Variants in ITIH5 observed in about 807,000 individuals in gnomAD.
ITIH5 encodes the protein inter-alpha-trypsin inhibitor heavy chain 5, also known as inter-alpha-trypsin inhibitor heavy chain H5.
A neutral mutation model predicts 77.5 loss-of-function variants in ITIH5; 65 were observed. The ratio of observed to expected loss-of-function variants is 0.84; its 90% CI spans 0.69 to 1.03. ITIH5 has a LOEUF of 1.03. ITIH5 is among the 50% of genes least tolerant of loss of function. The pLI is 0.00. For missense variants in ITIH5, 1,208 were observed against 1,213.1 expected (o/e 1.00, Z 0.06); for synonymous variants, 525 against 494.3 (o/e 1.06, Z -0.82).
rs147579573 is a variant in ITIH5, at chr10:7,563,170, C to T, written c.2742G>A (p.Leu914=). 21 of 1,614,080 alleles carry T rather than the reference C, an allele frequency of 1.3e-5. No homozygotes were observed. The highest frequency in any genetic ancestry group is 1.7e-5 in the Non-Finnish European group (20 of 1,180,026). Residue 914 remains leucine, a synonymous_variant, in exon 14 of 14, where the codon CTG becomes CTA. Coordinates refer to ENST00000397146, the MANE Select transcript of ITIH5 (RefSeq NM_030569.7). ...GGTAATCCTTGTACTCCCCGTCAAT[C>T]AGTTTGGCGGCATTGTTCCTGGCAA... is the stretch of plus-strand genomic sequence containing the variant. The part of the protein sequence containing the change: ...CWFARNNAAK[L]IDGEYKDYLA...
rs1263238443 is a variant in ITIH5 at position 7,666,786 on chromosome 10, C to T, written c.90+17G>A. The T allele has an allele frequency of 2.5e-6, 4 of 1,595,938 alleles. No homozygotes were observed. Among genetic ancestry groups the T allele is most frequent in the African/African-American group, 2.7e-5 (2 of 73,722 alleles). ...GGCGGCCGCGCCCGGGACCCGGCTCCCCTCGGCTCCACTTACCTGCTCCGA... is the reference window on the plus strand; with the variant it reads ...GGCGGCCGCGCCCGGGACCCGGCTCTCCTCGGCTCCACTTACCTGCTCCGA... On this transcript the variant is annotated intron_variant, in intron 1 of 13. Coordinates refer to ENST00000397146, the MANE Select transcript of ITIH5 (RefSeq NM_030569.7).
intron 7 of ITIH5, among the ~76,000 whole-genome samples, chr10:7,601,947 C>T (rs745494990): frequency 2.0e-5 from 3 of 152,046 alleles, no homozygotes; most frequent in East Asian, 1.9e-4. Flanking sequence ...CTACCTCCCA[C>T]GTTCAAGCGA....
Position 7,566,456 on chromosome 10 carries a change from T to C in ITIH5, c.2150-49A>G, listed in dbSNP as rs760757661. The stretch of plus-strand genomic sequence containing the variant: ...GAAGGTTAGAAAATCTGACCAGGAG[T>C]GGTGGCTCACACCTGTAATCCCAGC... On this transcript the variant is annotated intron_variant, in intron 12 of 13. Transcript: ENST00000397146. The C allele has an allele frequency of 2.6e-5, 40 of 1,539,322 alleles. 1 individual carries two copies. In the East Asian group the frequency reaches 8.6e-4, roughly 33 times the overall value.
At chr10:7,571,842 C>T in intron 11 of ITIH5, 1 of 397,676 alleles carries the variant, frequency 2.5e-6, no homozygotes, top group Non-Finnish European at 3.4e-6. Context: ...CGTACACATT[C>T]AATACAGATG....
At chr10:7,640,955 G>A in intron 3 of ITIH5, 100 bp from the exon 4 acceptor site, 1 of 833,126 alleles carries the variant, frequency 1.2e-6, no homozygotes. Context: ...ATTTTTATTT[G>A]CCTTTTGGAT....
In ITIH5 at chr10:7,590,140, G is replaced by A. The variant is rs559433938; in HGVS notation, c.940-4071C>T. The stretch of plus-strand genomic sequence containing the variant: ...CCCACAGGTAGCTCAGACTCGACTC[G>A]GTGGAGAATGGAACCTTCATCTTTT... On this transcript the variant is annotated intron_variant, in intron 7 of 13. Transcript: ENST00000397146. Among the ~76,000 whole-genome samples the A allele has an allele frequency of 4.0e-3, 613 of 152,114 alleles. 3 individuals carry two copies. Among genetic ancestry groups the A allele is most frequent in the Non-Finnish European group, 6.4e-3 (433 of 67,988 alleles).
intron 4 of ITIH5, among the ~76,000 whole-genome samples, chr10:7,638,175 A>G (rs1833831103): frequency 6.6e-6 from 1 of 152,220 alleles, no homozygotes; most frequent in African/African-American, 2.4e-5. Context: ...AGAGAACCCA[A>G]CTGTGTGGCA....
At chr10:7,640,148 CAAAAAAAA>C (rs56939703) in intron 4 of ITIH5, among the ~76,000 whole-genome samples, 3 of 80,266 alleles carry the variant, frequency 3.7e-5, no homozygotes, top group East Asian at 6.9e-4. Context: ...GGGGTAACTA[CAAAAAAAA>C]AAAAAAAAAA....
chr10:7,629,215 C>CTGTTGTAGCATGTGCCCA (rs1833659881), intron 5 of ITIH5, among the ~76,000 whole-genome samples: 5 of 74,114 alleles, frequency 6.7e-5, no homozygotes, highest in Non-Finnish European at 8.8e-5. Context: ...GCGTGTGTCC[C>CTGTTGTAGCATGTGCCCA]TGTTGTAGCG....
At chr10:7,611,940 G>A (rs938760144) in intron 7 of ITIH5, among the ~76,000 whole-genome samples, 1 of 125,212 alleles carries the variant, frequency 8.0e-6, no homozygotes, top group African/African-American at 2.9e-5. Context: ...TACATATTTT[G>A]GGGTGTGGTT....
Position 7,562,687 on chromosome 10 carries a change from T to G in ITIH5, c.*396A>C, listed in dbSNP as rs12024. On this transcript the variant is annotated 3_prime_UTR_variant, in exon 14 of 14. Coordinates refer to ENST00000397146, the MANE Select transcript of ITIH5 (RefSeq NM_030569.7). ...GCAAAAAGCAGAGTGCCTAAACTTG[T>G]CCATTTCCACCAAGAAAAAAAGTTT... 192,821 of 206,546 alleles carry G rather than the reference T, an allele frequency of 0.93. 91,232 individuals carry two copies. Among genetic ancestry groups the G allele is most frequent in the Non-Finnish European group, 0.99 (100,235 of 100,758 alleles). The allele number at this position is 206,546 out of a possible 1,614,324, so 12.8% of individuals were successfully genotyped here. A position where few individuals can be genotyped will look rare whatever the true frequency, so the allele number is the denominator to read the frequency against.
At chr10:7,626,769 T>C (rs1417248767) in intron 5 of ITIH5, among the ~76,000 whole-genome samples, 1 of 152,232 alleles carries the variant, frequency 6.6e-6, no homozygotes, top group Non-Finnish European at 1.5e-5. Context: ...CAAATGAAAC[T>C]GGGCATCTTA....
At chr10:7,632,717 G>C (rs1000935881) in intron 5 of ITIH5, among the ~76,000 whole-genome samples, 5 of 152,174 alleles carry the variant, frequency 3.3e-5, no homozygotes, top group Admixed American at 2.6e-4. Flanking sequence ...CTTGTCTAGA[G>C]TACGTTGTCT....
intron 2 of ITIH5, among the ~76,000 whole-genome samples, chr10:7,647,201 G>A (rs977714438): frequency 6.6e-6 from 1 of 152,162 alleles, no homozygotes; most frequent in African/African-American, 2.4e-5. Flanking sequence ...TCATTCATCT[G>A]TAGCAGGAGT....
intron 13 of ITIH5, among the ~76,000 whole-genome samples, chr10:7,564,889 C>T (rs555550760): frequency 7.7e-6 from 1 of 130,586 alleles, no homozygotes; most frequent in South Asian, 2.7e-4. Flanking sequence ...TACACACACA[C>T]ATACATACAT....
intron 7 of ITIH5, among the ~76,000 whole-genome samples, chr10:7,595,545 G>A (rs1405960031): frequency 5.9e-5 from 9 of 152,120 alleles, no homozygotes; most frequent in Admixed American, 2.6e-4. Flanking sequence ...TTATGGTGAT[G>A]AATTCCTCTT....
At chr10:7,653,799 G>T (rs1439609229) in intron 2 of ITIH5, among the ~76,000 whole-genome samples, 1 of 152,144 alleles carries the variant, frequency 6.6e-6, no homozygotes, top group Non-Finnish European at 1.5e-5. Context: ...GTGTCGTCTT[G>T]GGAAAATTAC....
intron 7 of ITIH5, among the ~76,000 whole-genome samples, chr10:7,608,630 G>A (rs1833180570): frequency 6.6e-6 from 1 of 152,128 alleles, no homozygotes; most frequent in African/African-American, 2.4e-5. Flanking sequence ...TCTGAAGAAG[G>A]CAGCTACAAT....
intron 7 of ITIH5, among the ~76,000 whole-genome samples, chr10:7,605,235 T>C (rs574119001): frequency 1.7e-4 from 26 of 151,472 alleles, no homozygotes; most frequent in Non-Finnish European, 3.2e-4. Flanking sequence ...ATGTCACGCA[T>C]CTCTCTCATT....
Sources: allele counts gnomAD v4.1 joint callset (sites outside exome capture counted in the v4.1 genomes callset), GRCh38; gene constraint gnomAD v4.1.1; transcripts MANE v1.5; gene names NCBI Gene and HGNC (gene_info 2026-07-23, HGNC 2026-07-21).